The following CLDN15 variants were observed in gnomAD, a reference collection of about 807,000 sequenced individuals.
CLDN15 encodes claudin-15.
CLDN15 carries 9 observed loss-of-function variants against 24.5 expected under a neutral mutation model. The observed-to-expected ratio is 0.37, with a 90% CI of 0.22 to 0.64. CLDN15 has a LOEUF of 0.64. CLDN15 is among the 30% of genes least tolerant of loss of function. The pLI is 0.63. For synonymous variants in CLDN15, 149 were observed against 131.4 expected (o/e 1.13, Z -0.92); for missense variants, 248 against 305.9 (o/e 0.81, Z 1.41).
In CLDN15 at chr7:101,232,191, G is replaced by T. The variant is rs548376323; in HGVS notation, c.*219C>A. 2 of 545,044 alleles carry T rather than the reference G, an allele frequency of 3.7e-6. No individual in the cohort carries two copies. Among genetic ancestry groups the T allele is most frequent in the Non-Finnish European group, 6.5e-6 (2 of 308,040 alleles). 33.8% of individuals were successfully genotyped at this position (545,044 alleles called of 1,614,324 possible). A position where few individuals can be genotyped will look rare whatever the true frequency, so the allele number is the denominator to read the frequency against. On this transcript the variant is annotated 3_prime_UTR_variant, in exon 5 of 5. Transcript: ENST00000308344. ...CACAGCCCAGAACCCAGGGTCAGAAGATGAGGGATCCAGCCTCAGAGGGGA... is the reference window on the plus strand; with the variant it reads ...CACAGCCCAGAACCCAGGGTCAGAATATGAGGGATCCAGCCTCAGAGGGGA...
intron 1 of CLDN15, chr7:101,236,735 A>G: frequency 7.7e-7 from 1 of 1,291,232 alleles, no homozygotes; most frequent in Non-Finnish European, 1.0e-6. Context: ...CTGTCCTGGA[A>G]GCCCCACACA....
At chr7:101,236,033 C>T (rs527709213) in intron 1 of CLDN15, among the ~76,000 whole-genome samples, 6 of 152,266 alleles carry the variant, frequency 3.9e-5, no homozygotes, top group South Asian at 4.1e-4. Flanking sequence ...GCCCAAGGCC[C>T]GGAACCTGGT....
In CLDN15 at chr7:101,234,412, A is replaced by G; in HGVS notation, c.248T>C (p.Ile83Thr). The stretch of plus-strand genomic sequence containing the variant: ...GAGGAAGCCCAGGAGGATGGCGGTG[A>G]TCATGAGTGCCCGGCAGGCCTGAAT... ...GYIQACRALM[I>T]TAILLGFLGL... Residue 83 changes from isoleucine (I) to threonine (T), a missense_variant, in exon 2 of 5, where the codon ATC (isoleucine) becomes ACC (threonine). Coordinates refer to ENST00000308344, the MANE Select transcript of CLDN15 (RefSeq NM_014343.3). 1 of 1,613,308 alleles carries G rather than the reference A, an allele frequency of 6.2e-7. No individual in the cohort carries two copies. The highest frequency in any genetic ancestry group is 8.5e-7 in the Non-Finnish European group (1 of 1,179,568).
At chr7:101,232,995 G>A (rs1340290840) in intron 2 of CLDN15, 81 bp from the exon 3 acceptor site, 8 of 967,768 alleles carry the variant, frequency 8.3e-6, no homozygotes, top group Non-Finnish European at 1.1e-5. Context: ...GCAGGCAGGG[G>A]CTGCCCAGAG....
upstream of CLDN15, chr7:101,238,527 G>A (rs1451961082): frequency 6.6e-6 from 1 of 152,262 alleles, no homozygotes; most frequent in Non-Finnish European, 1.5e-5. Flanking sequence ...GACCTCGTTG[G>A]GACCAGGGAG....
At position 101,237,057 on chromosome 7, in the gene CLDN15, C is replaced by A. The variant is rs752505949; in HGVS notation, c.217+308G>T. On this transcript the variant is annotated intron_variant, in intron 1 of 4. Coordinates refer to ENST00000308344, the MANE Select transcript of CLDN15 (RefSeq NM_014343.3). The surrounding 1 kb of genome is among the most constrained non-coding windows in gnomAD (Gnocchi z 4.0). ...CTGTGAACTGGGACTCTCACCCTAACCCTACAGGTGGGAGATGAAGCTGGT... is the reference window on the plus strand; with the variant it reads ...CTGTGAACTGGGACTCTCACCCTAAACCTACAGGTGGGAGATGAAGCTGGT... Among the ~76,000 whole-genome samples the A allele has an allele frequency of 3.9e-4, 60 of 151,954 alleles. No homozygotes were observed. Among genetic ancestry groups the A allele is most frequent in the Non-Finnish European group, 5.6e-4 (38 of 67,994 alleles).
chr7:101,236,839 C>G, intron 1 of CLDN15: 4 of 1,289,400 alleles, frequency 3.1e-6, no homozygotes, highest in Non-Finnish European at 4.1e-6. Context: ...ATCAGCCGGA[C>G]AAGGAGACCA....
Position 101,237,637 on chromosome 7 carries a change from C to T in CLDN15, c.-56G>A. 6.1e-6 allele frequency: 8 copies of T among 1,311,264 alleles called. No individual in the cohort carries two copies. Among genetic ancestry groups the T allele is most frequent in the East Asian group, 2.3e-5 (1 of 42,588 alleles). The allele number at this position is 1,311,264 out of a possible 1,614,324, so 81.2% of individuals were successfully genotyped here. A position where few individuals can be genotyped will look rare whatever the true frequency, so the allele number is the denominator to read the frequency against. On this transcript the variant is annotated 5_prime_UTR_variant, in exon 1 of 5. Transcript: ENST00000308344. This position sits in a 1 kb window ranked among gnomAD's most constrained non-coding sequence, Gnocchi z 4.0. ...CCCCAGAGAGGGGGAGGGGCAGAAC[C>T]CCTAGGGAACTGGAAGGGGCTGCGG...
rs978667868 is a variant in CLDN15 at position 101,237,157 on chromosome 7, C to T, written c.217+208G>A. Among the ~76,000 whole-genome samples the T allele has an allele frequency of 3.3e-5, 5 of 152,186 alleles. No homozygotes were observed. The highest frequency in any genetic ancestry group is 1.9e-4 in the East Asian group (1 of 5,198). On this transcript the variant is annotated intron_variant, in intron 1 of 4. Coordinates refer to ENST00000308344, the MANE Select transcript of CLDN15 (RefSeq NM_014343.3). This position sits in a 1 kb window ranked among gnomAD's most constrained non-coding sequence, Gnocchi z 4.0. The stretch of plus-strand genomic sequence containing the variant: ...TGCCTGCACCTGTAACAGCTAAAAG[C>T]GCCACACTAGCGCAGGGGGCCACGT...
At position 101,236,759 on chromosome 7, in the gene CLDN15, C is replaced by T. The variant is rs113711410; in HGVS notation, c.217+606G>A. 2.3e-3 allele frequency: 2,942 copies of T among 1,291,324 alleles called. 52 individuals are homozygous for T. In the African/African-American group the frequency reaches 0.04, roughly 17 times the overall value. The allele number at this position is 1,291,324 out of a possible 1,614,324, so 80.0% of individuals were successfully genotyped here. Reference sequence around the variant, plus strand: ...AAGCCCCACACACCTGCACACACACCGCCTCCTTACAGCGGACGCTCAACC... The same window carrying T: ...AAGCCCCACACACCTGCACACACACTGCCTCCTTACAGCGGACGCTCAACC... On this transcript the variant is annotated intron_variant, in intron 1 of 4. Transcript: ENST00000308344.
chr7:101,236,382 C>A (rs1798624333), intron 1 of CLDN15, among the ~76,000 whole-genome samples: 1 of 152,198 alleles, frequency 6.6e-6, no homozygotes, highest in Admixed American at 6.5e-5. Flanking sequence ...CCCACCCAGG[C>A]CCCCTAACTG....
At chr7:101,232,808 G>C (rs1213786935) in intron 3 of CLDN15, 25 bp downstream of exon 3, 1 of 1,597,916 alleles carries the variant, frequency 6.3e-7, no homozygotes, top group Non-Finnish European at 8.6e-7. Flanking sequence ...CCCGAGGGCG[G>C]GGGGTGGGGG....
rs528027533 is a variant in CLDN15, at chr7:101,232,630, G to A, written c.555C>T (p.Cys185=). ...GGLCLCSACC[C]GSDEDPAASA... Reference sequence around the variant, plus strand: ...TGGCGGCTGGGTCCTCGTCAGAGCCGCAGCAGCAGGCGGAGCAGAGGCAGA... The same window carrying A: ...TGGCGGCTGGGTCCTCGTCAGAGCCACAGCAGCAGGCGGAGCAGAGGCAGA... The change falls in exon 4 of 5, where the codon TGC becomes TGT. Residue 185 remains cysteine, a synonymous_variant. Transcript: ENST00000308344. 10 of 1,586,022 alleles carry A rather than the reference G, an allele frequency of 6.3e-6. No individual in the cohort carries two copies. The African/African-American group carries it at 1.1e-4, about 17-fold the overall frequency.
chr7:101,235,860 G>T (rs1798610556), intron 1 of CLDN15, among the ~76,000 whole-genome samples: 1 of 152,124 alleles, frequency 6.6e-6, no homozygotes, highest in South Asian at 2.1e-4. Context: ...TGCACGGTTG[G>T]GAGACGCAGT....
chr7:101,236,642 C>A (rs947240894), intron 1 of CLDN15: 1 of 843,264 alleles, frequency 1.2e-6, no homozygotes, highest in Non-Finnish European at 1.7e-6. Flanking sequence ...GAGCAGGGAG[C>A]GGGAAGGTGC....
intron 1 of CLDN15, among the ~76,000 whole-genome samples, chr7:101,235,913 G>A (rs898432169): frequency 2.0e-5 from 3 of 152,096 alleles, no homozygotes; most frequent in Non-Finnish European, 2.9e-5. Context: ...GAGTCTGAAT[G>A]CCGGCTCCCC....
chr7:101,237,920 T>TG (rs201531161), upstream of CLDN15: 5,262 of 351,594 alleles, frequency 0.015, 200 homozygotes, highest in African/African-American at 0.09. The surrounding 1 kb of genome is among the most constrained non-coding windows in gnomAD (Gnocchi z 4.0). Context: ...CCCACGAGGG[T>TG]GGGGGGGGCA....
rs1416625745 is a variant in CLDN15, at chr7:101,232,345, G to T, written c.*65C>A. On this transcript the variant is annotated 3_prime_UTR_variant, in exon 5 of 5. Transcript: ENST00000308344. ...CCCCTGAGGTTACTATAGGGGAATG[G>T]GCCCCGGCCAGGTCCCCTCTCCTTG... 5 of 1,212,238 alleles carry T rather than the reference G, an allele frequency of 4.1e-6. No individual in the cohort carries two copies. Among genetic ancestry groups the T allele is most frequent in the African/African-American group, 1.5e-5 (1 of 66,582 alleles). 75.1% of individuals were successfully genotyped at this position (1,212,238 alleles called of 1,614,324 possible).
intron 1 of CLDN15, among the ~76,000 whole-genome samples, chr7:101,234,951 G>A (rs1798595124): frequency 1.3e-5 from 2 of 152,050 alleles, no homozygotes; most frequent in African/African-American, 4.8e-5. Flanking sequence ...CTCTATTCTG[G>A]GGGCCGTCCT....
Sources: gnomAD v4.1 joint callset for allele counts (sites outside exome capture counted in the v4.1 genomes callset) on GRCh38, gnomAD v4.1.1 for gene constraint, Gnocchi (gnomAD v3.1) non-coding constraint, MANE v1.5 for transcripts, NCBI Gene and HGNC (gene_info 2026-07-23, HGNC 2026-07-21) for gene names.